LRRC7: variants seen among roughly 807,000 people sequenced by gnomAD.
The protein encoded by LRRC7 is leucine rich repeat containing 7, also known as leucine-rich repeat-containing protein 7.
A neutral mutation model predicts 175.7 loss-of-function variants in LRRC7; 23 were observed. The ratio of observed to expected loss-of-function variants is 0.13; its 90% CI spans 0.09 to 0.19. The LOEUF (loss-of-function observed/expected upper bound fraction) is 0.19, where lower values mean the gene tolerates loss of function less well. Ranked by LOEUF, LRRC7 falls within the 10% of genes least tolerant of loss-of-function variation. The pLI is 1.00. For synonymous variants in LRRC7, 685 were observed against 680.9 expected (o/e 1.01, Z -0.09); for missense variants, 1,354 against 1,904.7 (o/e 0.71, Z 5.38).
rs1663126399 is a variant in LRRC7 at position 70,080,495 on chromosome 1, T to C, written c.4452+4197T>C. On this transcript the variant is annotated intron_variant, in intron 24 of 26. Coordinates refer to ENST00000651989, the MANE Select transcript of LRRC7 (RefSeq NM_001370785.2). ...CCATCACAATAAAAAGGACAAAATATTCAAGAACTCTAGAAACCTAAACTT... is the reference window on the plus strand; with the variant it reads ...CCATCACAATAAAAAGGACAAAATACTCAAGAACTCTAGAAACCTAAACTT... Among the ~76,000 whole-genome samples, 3 of 152,184 alleles carry C rather than the reference T, an allele frequency of 2.0e-5. 1 individual carries two copies. The highest frequency in any genetic ancestry group is 2.0e-4 in the Admixed American group (3 of 15,282).
intron 25 of LRRC7, among the ~76,000 whole-genome samples, chr1:70,105,189 C>T (rs1409788787): frequency 1.3e-5 from 2 of 152,128 alleles, no homozygotes; most frequent in Non-Finnish European, 2.9e-5. Context: ...CATTCACTGG[C>T]CTGGTTGATT....
At chr1:70,064,639 T>TTG (rs369837517) in intron 23 of LRRC7, among the ~76,000 whole-genome samples, 3 of 151,004 alleles carry the variant, frequency 2.0e-5, no homozygotes, top group Non-Finnish European at 1.5e-5. Flanking sequence ...TGCTTGGTAT[T>TTG]TTGTTGTTGT....
At chr1:70,013,118 A>G (rs758914758) in intron 13 of LRRC7, 29 bp downstream of exon 13, 9 of 1,340,160 alleles carry the variant, frequency 6.7e-6, no homozygotes, top group Non-Finnish European at 9.3e-6. Context: ...ACAATCACAT[A>G]TTAGTTATTT....
At chr1:69,849,769 C>T (rs1183893201) in intron 7 of LRRC7, among the ~76,000 whole-genome samples, 1 of 151,976 alleles carries the variant, frequency 6.6e-6, no homozygotes, top group Non-Finnish European at 1.5e-5. Context: ...AAATATGACT[C>T]CCAAGTTTGT....
intron 7 of LRRC7, among the ~76,000 whole-genome samples, chr1:69,867,643 A>G (rs1405107665): frequency 6.6e-6 from 1 of 152,186 alleles, no homozygotes; most frequent in African/African-American, 2.4e-5. Flanking sequence ...ATGGCAGTGG[A>G]ATGTGGAATA....
At chr1:69,934,502 G>A (rs1312607400) in intron 8 of LRRC7, among the ~76,000 whole-genome samples, 1 of 58,148 alleles carries the variant, frequency 1.7e-5, no homozygotes, top group African/African-American at 4.3e-5. Context: ...GGCGGGGGGG[G>A]GGCGGGGGGT....
chr1:70,070,786 GAA>G (rs1662323867), intron 23 of LRRC7, among the ~76,000 whole-genome samples: 1 of 152,156 alleles, frequency 6.6e-6, no homozygotes, highest in South Asian at 2.1e-4. Flanking sequence ...GGATGATGGG[GAA>G]AGTCTTGACT....
At chr1:69,601,424 A>G (rs1647068177) in intron 1 of LRRC7, among the ~76,000 whole-genome samples, 1 of 152,124 alleles carries the variant, frequency 6.6e-6, no homozygotes, top group African/African-American at 2.4e-5. Context: ...CTGGTTTCCA[A>G]CATCTACCAT....
intron 1 of LRRC7, among the ~76,000 whole-genome samples, chr1:69,597,189 T>C (rs1301282977): frequency 6.6e-6 from 1 of 152,188 alleles, no homozygotes. Context: ...CTTTCAATTT[T>C]AAACATAGTT....
chr1:69,781,759 G>GAAAGAAAGAA (rs1557719794), intron 3 of LRRC7, among the ~76,000 whole-genome samples: 1 of 42,178 alleles, frequency 2.4e-5, no homozygotes, highest in Non-Finnish European at 4.0e-5. Flanking sequence ...GAGAGAGAGA[G>GAAAGAAAGAA]AGAGAGAAAG....
At chr1:70,001,188 T>C (rs1178339378) in intron 11 of LRRC7, among the ~76,000 whole-genome samples, 2 of 152,162 alleles carry the variant, frequency 1.3e-5, no homozygotes, top group African/African-American at 4.8e-5. Flanking sequence ...ATAGTTGTTG[T>C]ATAGTAATCA....
intron 25 of LRRC7, among the ~76,000 whole-genome samples, chr1:70,095,100 A>G (rs918107992): frequency 6.6e-6 from 1 of 152,198 alleles, no homozygotes; most frequent in Non-Finnish European, 1.5e-5. Flanking sequence ...TATAATTTAT[A>G]TATGTGTCAC....
At chr1:69,824,664 G>T (rs1455166672) in intron 4 of LRRC7, among the ~76,000 whole-genome samples, 1 of 152,078 alleles carries the variant, frequency 6.6e-6, no homozygotes, top group Non-Finnish European at 1.5e-5. Flanking sequence ...AAGTCCTGTG[G>T]ACATGGTATT....
chr1:69,997,367 C>G (rs1655087176), intron 11 of LRRC7, among the ~76,000 whole-genome samples: 1 of 149,980 alleles, frequency 6.7e-6, no homozygotes, highest in Non-Finnish European at 1.5e-5. Flanking sequence ...TTGACTTCCT[C>G]TTTTCCTAAT....
intron 2 of LRRC7, among the ~76,000 whole-genome samples, chr1:69,695,763 A>G (rs1201940902): frequency 6.6e-6 from 1 of 152,216 alleles, no homozygotes; most frequent in Non-Finnish European, 1.5e-5. Flanking sequence ...AAGGGTCCCA[A>G]GTACAGCTTG....
intron 7 of LRRC7, among the ~76,000 whole-genome samples, chr1:69,893,822 T>C (rs1033237433): frequency 1.3e-5 from 2 of 152,064 alleles, no homozygotes; most frequent in Non-Finnish European, 1.5e-5. Flanking sequence ...AACCAAACTT[T>C]TTTTTTTAGT....
chr1:70,031,508 T>C (rs1262492823), intron 18 of LRRC7, among the ~76,000 whole-genome samples: 3 of 152,230 alleles, frequency 2.0e-5, no homozygotes, highest in Non-Finnish European at 2.9e-5. Flanking sequence ...TTTAAGTTGT[T>C]ATAGCCAAAC....
At chr1:69,717,802 G>GAAATAAATAAATAAATAAAT in intron 2 of LRRC7, among the ~76,000 whole-genome samples, 1 of 20,656 alleles carries the variant, frequency 4.8e-5, no homozygotes, top group African/African-American at 3.0e-4. Context: ...AAGAAAGAAA[G>GAAATAAATAAATAAATAAAT]AAAGAAAGAA....
At chr1:69,651,861 A>G (rs575408533) in intron 1 of LRRC7, among the ~76,000 whole-genome samples, 21 of 152,214 alleles carry the variant, frequency 1.4e-4, no homozygotes, top group African/African-American at 4.3e-4. Flanking sequence ...CCTCATTCAG[A>G]GCACTGACAG....
Sources: allele counts gnomAD v4.1 joint callset (sites outside exome capture counted in the v4.1 genomes callset), GRCh38; gene constraint gnomAD v4.1.1; transcripts MANE v1.5; gene names NCBI Gene and HGNC (gene_info 2026-07-23, HGNC 2026-07-21).